Variants in TRAPPC9 observed in about 807,000 individuals in gnomAD.
TRAPPC9 encodes trafficking protein particle complex subunit 9.
A neutral mutation model predicts 124.0 loss-of-function variants in TRAPPC9; 83 were observed. The ratio of observed to expected loss-of-function variants is 0.67; its 90% confidence interval spans 0.56 to 0.80. TRAPPC9 has a LOEUF of 0.80. Among genes scored for constraint, TRAPPC9 ranks in the 30% least tolerant of loss-of-function variants. The pLI is 0.00. For synonymous variants in TRAPPC9, 638 were observed against 617.5 expected (o/e 1.03, Z -0.49); for missense variants, 1,302 against 1,508.3 (o/e 0.86, Z 2.27).
intron 6 of TRAPPC9, among the ~76,000 whole-genome samples, chr8:140,402,830 C>G (rs1283241930): frequency 3.9e-5 from 6 of 151,902 alleles, no homozygotes; most frequent in Non-Finnish European, 8.8e-5. Flanking sequence ...GTATTTAGTA[C>G]AGGTAAGAAT....
intron 9 of TRAPPC9, among the ~76,000 whole-genome samples, chr8:140,342,451 A>G (rs755659253): frequency 6.6e-6 from 1 of 152,190 alleles, no homozygotes; most frequent in Non-Finnish European, 1.5e-5. Context: ...GTACTACATG[A>G]TATTTATCTC....
chr8:139,752,439 C>CCCAT (rs1448968741), intron 21 of TRAPPC9, among the ~76,000 whole-genome samples: 1 of 148,552 alleles, frequency 6.7e-6, no homozygotes, highest in Non-Finnish European at 1.5e-5. Flanking sequence ...CTAACATCTA[C>CCCAT]CCATCCATCC....
intron 19 of TRAPPC9, among the ~76,000 whole-genome samples, chr8:139,962,111 C>T (rs1256976940): frequency 1.6e-5 from 2 of 124,324 alleles, no homozygotes; most frequent in African/African-American, 5.1e-5. Context: ...GAGGAGCTAT[C>T]CACTGTGGTC....
intron 8 of TRAPPC9, among the ~76,000 whole-genome samples, chr8:140,366,076 T>C (rs534451343): frequency 1.3e-5 from 2 of 152,324 alleles, no homozygotes; most frequent in South Asian, 4.1e-4. Context: ...TCCAGCTCCA[T>C]CCATATCCCT....
chr8:140,148,689 G>C (rs1469967521), intron 17 of TRAPPC9, among the ~76,000 whole-genome samples: 1 of 152,158 alleles, frequency 6.6e-6, no homozygotes, highest in African/African-American at 2.4e-5. Flanking sequence ...ATGCCTTCCA[G>C]CTACCTTGCT....
intron 17 of TRAPPC9, among the ~76,000 whole-genome samples, chr8:140,215,421 T>C (rs994730837): frequency 2.6e-5 from 4 of 151,974 alleles, no homozygotes; most frequent in African/African-American, 7.3e-5. Flanking sequence ...GGCAGGTGGA[T>C]TGCCTGAGCT....
intron 21 of TRAPPC9, among the ~76,000 whole-genome samples, chr8:139,796,397 T>G (rs1372936646): frequency 6.6e-6 from 1 of 152,160 alleles, no homozygotes; most frequent in Non-Finnish European, 1.5e-5. Context: ...CCTGATCCAA[T>G]GATGCATCAG....
At chr8:139,908,883 G>A (rs543290413) in intron 20 of TRAPPC9, 1 of 152,284 alleles carries the variant, frequency 6.6e-6, no homozygotes, top group South Asian at 2.1e-4. Context: ...CTGTACCAGA[G>A]ATAAACACCG....
intron 17 of TRAPPC9, among the ~76,000 whole-genome samples, chr8:140,094,735 A>T (rs1173342156): frequency 6.6e-6 from 1 of 152,168 alleles, no homozygotes; most frequent in African/African-American, 2.4e-5. Flanking sequence ...CAACAGAGGC[A>T]AGCCTGCACT....
chr8:140,141,701 T>A (rs1474571144), intron 17 of TRAPPC9, among the ~76,000 whole-genome samples: 1 of 151,938 alleles, frequency 6.6e-6, no homozygotes, highest in African/African-American at 2.4e-5. Context: ...ATGAGAGAAA[T>A]CATATGCAGT....
At chr8:140,126,467 G>A (rs115348810) in intron 17 of TRAPPC9, among the ~76,000 whole-genome samples, 3,687 of 152,222 alleles carry the variant, frequency 0.024, 122 homozygotes, top group African/African-American at 0.083. Flanking sequence ...CGAACACCCC[G>A]TCACGAGAAG....
chr8:139,909,821 T>C (rs997726943), intron 20 of TRAPPC9, among the ~76,000 whole-genome samples: 9 of 152,230 alleles, frequency 5.9e-5, no homozygotes, highest in Non-Finnish European at 1.2e-4. Flanking sequence ...GTGAACCCCC[T>C]GAGCCCGGCA....
At chr8:140,290,193 T>C (rs1293268140) in intron 12 of TRAPPC9, among the ~76,000 whole-genome samples, 2 of 152,102 alleles carry the variant, frequency 1.3e-5, no homozygotes, top group Non-Finnish European at 2.9e-5. Flanking sequence ...GACCGACACG[T>C]GGCAAGAGCA....
intron 20 of TRAPPC9, among the ~76,000 whole-genome samples, chr8:139,886,628 A>G (rs1325000737): frequency 1.3e-5 from 2 of 152,216 alleles, no homozygotes. Flanking sequence ...AGTTGCAATA[A>G]AAGGGGAAAA....
chr8:140,311,422 A>C (rs1232885997), intron 9 of TRAPPC9, 48 bp from the exon 10 acceptor site: 10 of 1,605,356 alleles, frequency 6.2e-6, no homozygotes, highest in Non-Finnish European at 8.5e-6. Context: ...GCAAAAGTCA[A>C]AGTGGCTGGC....
intron 11 of TRAPPC9, among the ~76,000 whole-genome samples, chr8:140,293,330 A>G (rs1216050111): frequency 6.6e-6 from 1 of 151,656 alleles, no homozygotes; most frequent in Non-Finnish European, 1.5e-5. Context: ...ATCTAGAACC[A>G]GAAATACCAT....
In TRAPPC9 at chr8:140,063,168, A is replaced by G. The variant is rs1314894398; in HGVS notation, c.2557-39089T>C. 6.6e-6 allele frequency among the ~76,000 whole-genome samples: 1 copy of G among 152,176 alleles called. No individual in the cohort carries two copies. Among genetic ancestry groups the G allele is most frequent in the African/African-American group, 2.4e-5 (1 of 41,458 alleles). ...TGGGGGAAGCGGCCACTGTGATTCA[A>G]TGACCTCCACCTGGTCTCTCCCTTG... On this transcript the variant is annotated intron_variant, in intron 17 of 22. Coordinates refer to ENST00000438773, the MANE Select transcript of TRAPPC9 (RefSeq NM_001160372.4). This position sits in a 1 kb window ranked among gnomAD's most constrained non-coding sequence, Gnocchi z 4.3.
chr8:139,796,033 G>A, intron 21 of TRAPPC9, among the ~76,000 whole-genome samples: 1 of 148,962 alleles, frequency 6.7e-6, no homozygotes, highest in East Asian at 1.9e-4. Context: ...AGGAAGAGGA[G>A]GAGGAAGAGG....
intron 4 of TRAPPC9, among the ~76,000 whole-genome samples, chr8:140,432,838 C>T (rs2070693398): frequency 6.6e-6 from 1 of 151,488 alleles, no homozygotes; most frequent in Admixed American, 6.6e-5. Context: ...CGCCACTGCA[C>T]TCCAGCCTGG....
Sources: allele counts gnomAD v4.1 joint callset (sites outside exome capture counted in the v4.1 genomes callset), GRCh38; gene constraint gnomAD v4.1.1; non-coding constraint Gnocchi (gnomAD v3.1); transcripts MANE v1.5; gene names NCBI Gene and HGNC (gene_info 2026-07-23, HGNC 2026-07-21).